GAS6: variants seen among roughly 807,000 people sequenced by gnomAD.
GAS6 encodes growth arrest-specific protein 6.
GAS6 carries 41 observed loss-of-function variants against 75.8 expected under a neutral mutation model. That is an observed-to-expected ratio of 0.54 (90% CI 0.42 to 0.70). The LOEUF (loss-of-function observed/expected upper bound fraction) is 0.70. GAS6 is among the 30% of genes least tolerant of loss of function. The probability of loss-of-function intolerance (pLI) is 0.00; values close to 1 mark genes in which losing one functional copy is unlikely to be tolerated. For missense variants in GAS6, 854 were observed against 940.2 expected, an observed-to-expected ratio of 0.91 and a Z score of 1.20; for synonymous variants, 432 against 412.6, an observed-to-expected ratio of 1.05 and a Z score of -0.57.
At chr13:113,853,109 A>T (rs2051888914) in intron 2 of GAS6, among the ~76,000 whole-genome samples, 1 of 152,240 alleles carries the variant, frequency 6.6e-6, no homozygotes, top group African/African-American at 2.4e-5. Flanking sequence ...CTTTTTAAAA[A>T]TGGCCAAAAC....
intron 4 of GAS6, chr13:113,840,093 G>C: frequency 1.9e-6 from 1 of 529,224 alleles, no homozygotes; most frequent in Non-Finnish European, 3.3e-6. Context: ...AGTGCCAGCA[G>C]GCCTGGACGC....
rs993803194 is a variant in GAS6 at position 113,837,992 on chromosome 13, T to C, written c.589+77A>G. On this transcript the variant is annotated intron_variant, in intron 6 of 14. Transcript: ENST00000327773. This position sits in a 1 kb window ranked among gnomAD's most constrained non-coding sequence, Gnocchi z 5.1. ...CAGGAACCCAGCCAGCAGCAGCCGC[T>C]TGCAGAAGAGCAGACATGACCGAAA... The C allele has an allele frequency of 8.3e-6, 13 of 1,563,324 alleles. No individual in the cohort carries two copies. The highest frequency in any genetic ancestry group is 1.4e-5 in the African/African-American group (1 of 73,750).
chr13:113,846,608 T>C lies in GAS6; in HGVS notation c.281-19A>G, dbSNP rs1232235821. The C allele has an allele frequency of 1.2e-6, 2 of 1,606,952 alleles. No homozygotes were observed. The highest frequency in any genetic ancestry group is 1.7e-6 in the Non-Finnish European group (2 of 1,173,532). On this transcript the variant is annotated intron_variant, in intron 3 of 14. Coordinates refer to ENST00000327773, the MANE Select transcript of GAS6 (RefSeq NM_000820.4). ...ATGCAGTCTGCAGGAAGAAAGGGAA[T>C]GGATGTCAGTCATCCTTACAAGACC... is the stretch of plus-strand genomic sequence containing the variant.
chr13:113,839,769 C>A lies in GAS6; in HGVS notation c.425G>T (p.Cys142Phe). The change falls in exon 5 of 15, where the codon TGC becomes TTC. Residue 142 changes from cysteine to phenylalanine, a missense_variant. Coordinates refer to ENST00000327773, the MANE Select transcript of GAS6 (RefSeq NM_000820.4). ...GCCCCCCCAGCCAGCTTTACACAGG[C>A]AGAAGAAGTTGCCCATGAGGTCCTG... The part of the protein sequence containing the change: ...ACQDLMGNFF[C>F]LCKAGWGGRL... 6.2e-7 allele frequency: 1 copy of A among 1,614,030 alleles called. No homozygotes were observed. Among genetic ancestry groups the A allele is most frequent in the African/African-American group, 1.3e-5 (1 of 75,058 alleles).
In GAS6 at chr13:113,848,171, C is replaced by T; in HGVS notation, c.256-121G>A. 3.9e-6 allele frequency: 4 copies of T among 1,022,356 alleles called. No homozygotes were observed. The highest frequency in any genetic ancestry group is 5.9e-6 in the Non-Finnish European group (4 of 675,696). 63.3% of individuals were successfully genotyped at this position (1,022,356 alleles called of 1,614,324 possible). A position where few individuals can be genotyped will look rare whatever the true frequency, so the allele number is the denominator to read the frequency against. On this transcript the variant is annotated intron_variant, in intron 2 of 14. Transcript: ENST00000327773. The surrounding 1 kb of genome is among the most constrained non-coding windows in gnomAD (Gnocchi z 4.8). Reference sequence around the variant, plus strand: ...TCGGGGCAGCCAGAGGGCCGCCCCACCCGGGGAACTGAGGGGAAGTGACCG... The same window carrying T: ...TCGGGGCAGCCAGAGGGCCGCCCCATCCGGGGAACTGAGGGGAAGTGACCG...
rs1356920353 is a variant in GAS6, at chr13:113,863,178, G to T, written c.255+397C>A. ...TCGGCCCTTTCAATTCCTCTTTCGG[G>T]AGGGGACTGCTCTCCACCCCTCTCA... On this transcript the variant is annotated intron_variant, in intron 2 of 14. Coordinates refer to ENST00000327773, the MANE Select transcript of GAS6 (RefSeq NM_000820.4). The surrounding 1 kb of genome is among the most constrained non-coding windows in gnomAD (Gnocchi z 9.4). Among the ~76,000 whole-genome samples the T allele has an allele frequency of 6.6e-6, 1 of 152,216 alleles. No homozygotes were observed. The highest frequency in any genetic ancestry group is 1.9e-4 in the East Asian group (1 of 5,192).
intron 6 of GAS6, 98 bp from the exon 7 acceptor site, chr13:113,835,733 G>A: frequency 6.5e-7 from 1 of 1,528,246 alleles, no homozygotes; most frequent in South Asian, 1.3e-5. Flanking sequence ...CCACCCAGAG[G>A]TCGCATCCAG....
chr13:113,827,832 G>A (rs1449016420), intron 11 of GAS6, among the ~76,000 whole-genome samples: 14 of 152,238 alleles, frequency 9.2e-5, no homozygotes, highest in Admixed American at 9.2e-4. Flanking sequence ...ACGGGCGTGT[G>A]CTGTGCTGAA....
In GAS6 at chr13:113,838,146, C is replaced by T; in HGVS notation, c.512G>A (p.Cys171Tyr). The change falls in exon 6 of 15, where the codon TGC becomes TAC. Residue 171 changes from cysteine to tyrosine, a missense_variant. Physicochemically the swap from Cys to Tyr is radical, Grantham distance 194 (BLOSUM62 -2). Coordinates refer to ENST00000327773, the MANE Select transcript of GAS6 (RefSeq NM_000820.4). Reference protein sequence around the residue: ...SQENGGCLQICHNKPGSFHCS... With the variant: ...SQENGGCLQIYHNKPGSFHCS... ...GTGGAAGCTACCCGGCTTGTTGTGG[C>T]AGATCTGGAGGCAGCCCCCGTTCTC... 3 of 1,612,910 alleles carry T rather than the reference C, an allele frequency of 1.9e-6. No homozygotes were observed. The highest frequency in any genetic ancestry group is 1.7e-6 in the Non-Finnish European group (2 of 1,179,918).
intron 2 of GAS6, among the ~76,000 whole-genome samples, chr13:113,859,311 TGTTA>T (rs1389214860): frequency 1.3e-5 from 2 of 150,490 alleles, no homozygotes; most frequent in Admixed American, 6.6e-5. Context: ...TGTACATGTC[TGTTA>T]GTATGTGTGT....
At position 113,833,058 on chromosome 13, in the gene GAS6, C is replaced by T. The variant is rs1052996540; in HGVS notation, c.835-306G>A. The stretch of plus-strand genomic sequence containing the variant: ...AAATATTTCAAGCATACAAAAATTA[C>T]AGAGAATCATTAAAAAGTATACACT... On this transcript the variant is annotated intron_variant, in intron 8 of 14. Coordinates refer to ENST00000327773, the MANE Select transcript of GAS6 (RefSeq NM_000820.4). The T allele has an allele frequency of 3.9e-6, 5 of 1,274,090 alleles. No individual in the cohort carries two copies. The African/African-American group carries it at 6.1e-5, about 16-fold the overall frequency. 78.9% of individuals were successfully genotyped at this position (1,274,090 alleles called of 1,614,324 possible). A position where few individuals can be genotyped will look rare whatever the true frequency, so the allele number is the denominator to read the frequency against.
chr13:113,827,427 G>C (rs1262068017), intron 11 of GAS6, among the ~76,000 whole-genome samples: 1 of 152,230 alleles, frequency 6.6e-6, no homozygotes, highest in Non-Finnish European at 1.5e-5. Context: ...AGGCCATGTG[G>C]GTCTAAGGTC....
At chr13:113,836,223 A>G (rs1594198586) in intron 6 of GAS6, among the ~76,000 whole-genome samples, 1 of 5,218 alleles carries the variant, frequency 1.9e-4, no homozygotes, top group East Asian at 2.9e-3. Flanking sequence ...AAGGGGGAGT[A>G]GGAGTGGGAG....
At chr13:113,852,349 C>A (rs997711857) in intron 2 of GAS6, among the ~76,000 whole-genome samples, 1 of 152,164 alleles carries the variant, frequency 6.6e-6, no homozygotes, top group Non-Finnish European at 1.5e-5. Context: ...CAGAAGGTCC[C>A]GGTGTGAACA....
chr13:113,823,886 CTT>C (rs10603008), intron 12 of GAS6, among the ~76,000 whole-genome samples: 23,701 of 152,266 alleles, frequency 0.16, 3,600 homozygotes, highest in African/African-American at 0.4. Flanking sequence ...CCGATGTCCT[CTT>C]GTTTCAGGAG....
intron 2 of GAS6, among the ~76,000 whole-genome samples, chr13:113,856,608 A>T (rs186108700): frequency 1.3e-3 from 193 of 152,366 alleles, no homozygotes; most frequent in African/African-American, 4.4e-3. Context: ...CAGTTTCATC[A>T]TCTGCTGCTG....
rs2138642533 is a variant in GAS6 at position 113,838,042 on chromosome 13, G to T, written c.589+27C>A. ...AATAGAAGGTGGGGAGAGGAGAGAG[G>T]AGAGAGGCCTCACCCCAGGGCCTTA... On this transcript the variant is annotated intron_variant, in intron 6 of 14. Coordinates refer to ENST00000327773, the MANE Select transcript of GAS6 (RefSeq NM_000820.4). The T allele has an allele frequency of 3.1e-6, 5 of 1,610,402 alleles. No individual in the cohort carries two copies. The South Asian group carries it at 5.5e-5, about 18-fold the overall frequency.
Position 113,863,611 on chromosome 13 carries a change from C to A in GAS6, c.219G>T (p.Glu73Asp). 6.6e-7 allele frequency: 1 copy of A among 1,525,298 alleles called. No individual in the cohort carries two copies. Among genetic ancestry groups the A allele is most frequent in the South Asian group, 1.2e-5 (1 of 82,400 alleles). 94.5% of individuals were successfully genotyped at this position (1,525,298 alleles called of 1,614,324 possible). A position where few individuals can be genotyped will look rare whatever the true frequency, so the allele number is the denominator to read the frequency against. ...CGTTCTCGAACACCTCCCGCGCCTC[C>A]TCGCGGCTGCACAGCTCCTCCACGC... ...RECVEELCSR[E>D]EAREVFENDP... Residue 73 changes from glutamate (E) to aspartate (D), a missense_variant, in exon 2 of 15, where the codon GAG becomes GAT. By Grantham distance (45) the Glu-to-Asp change is conservative. Coordinates refer to ENST00000327773, the MANE Select transcript of GAS6 (RefSeq NM_000820.4). The surrounding 1 kb of genome is among the most constrained non-coding windows in gnomAD (Gnocchi z 9.4).
rs546184175 is a variant in GAS6 at position 113,829,224 on chromosome 13, G to T, written c.1144-513C>A. Among the ~76,000 whole-genome samples the T allele has an allele frequency of 3.3e-5, 3 of 90,258 alleles. 1 individual carries two copies. The highest frequency in any genetic ancestry group is 7.0e-4 in the South Asian group (2 of 2,870). The allele number at this position is 90,258 out of a possible 152,430, so 59.2% of individuals were successfully genotyped here. A position where few individuals can be genotyped will look rare whatever the true frequency, so the allele number is the denominator to read the frequency against. On this transcript the variant is annotated intron_variant, in intron 10 of 14. Coordinates refer to ENST00000327773, the MANE Select transcript of GAS6 (RefSeq NM_000820.4). The stretch of plus-strand genomic sequence containing the variant: ...CCTGATCCTCACCTGGGCCAAGAGG[G>T]TCTCAATCTCAGGCAGACCACATGA...
Sources: gnomAD v4.1 joint callset for allele counts (sites outside exome capture counted in the v4.1 genomes callset) on GRCh38, gnomAD v4.1.1 for gene constraint, Gnocchi (gnomAD v3.1) non-coding constraint, MANE v1.5 for transcripts, NCBI Gene and HGNC (gene_info 2026-07-23, HGNC 2026-07-21) for gene names.